Variants in NTM observed in about 807,000 individuals in gnomAD.
NTM encodes the protein IgLON family member 2.
A neutral mutation model predicts 42.1 loss-of-function variants in NTM; 13 were observed. The observed-to-expected ratio is 0.31, with a 90% confidence interval of 0.20 to 0.49. The LOEUF (loss-of-function observed/expected upper bound fraction) is 0.49, where lower values mean the gene tolerates loss of function less well. NTM is among the 20% of genes least tolerant of loss of function. The probability of loss-of-function intolerance (pLI) is 0.99; values close to 1 mark genes in which losing one functional copy is unlikely to be tolerated. For missense variants in NTM, 373 were observed against 452.8 expected (o/e 0.82, Z 1.60); for synonymous variants, 187 against 179.2 (o/e 1.04, Z -0.35).
chr11:132,195,250 A>C lies in NTM; in HGVS notation c.401-16772A>C, dbSNP rs373246915. ...AATACGTCTAACCAAGAAGGTAAAA[A>C]ATCTATACAATGAGAATTACAAAAC... On this transcript the variant is annotated intron_variant, in intron 3 of 8. Coordinates refer to ENST00000683400, the MANE Select transcript of NTM (RefSeq NM_001352005.2). Among the ~76,000 whole-genome samples, 26 of 152,242 alleles carry C rather than the reference A, an allele frequency of 1.7e-4. No homozygotes were observed. In the East Asian group the frequency reaches 2.9e-3, roughly 17 times the overall value.
chr11:131,912,974 TGTCTA>T (rs947197989), intron 2 of NTM, among the ~76,000 whole-genome samples: 2 of 152,204 alleles, frequency 1.3e-5, no homozygotes, highest in African/African-American at 2.4e-5. Flanking sequence ...AGTGATCCTT[TGTCTA>T]GGCAAAGCTT....
At chr11:131,640,743 C>G (rs2065030986) in intron 1 of NTM, among the ~76,000 whole-genome samples, 1 of 152,178 alleles carries the variant, frequency 6.6e-6, no homozygotes, top group South Asian at 2.1e-4. Context: ...CCCACCCACT[C>G]TAAAACTACT....
At chr11:132,008,570 G>T (rs2071348459) in intron 2 of NTM, among the ~76,000 whole-genome samples, 6 of 151,922 alleles carry the variant, frequency 3.9e-5, no homozygotes, top group Admixed American at 3.3e-4. Context: ...TGTGGGGAAT[G>T]AACACCAGAT....
intron 1 of NTM, chr11:131,910,103 T>C (rs974904273): frequency 2.6e-5 from 4 of 152,226 alleles, no homozygotes; most frequent in Admixed American, 1.3e-4. Context: ...TCTAGAATGG[T>C]AGTGTTGAGT....
intron 2 of NTM, among the ~76,000 whole-genome samples, chr11:132,034,605 C>A (rs540677705): frequency 6.6e-6 from 1 of 152,288 alleles, no homozygotes; most frequent in East Asian, 1.9e-4. Flanking sequence ...GTAACTCTGT[C>A]GTGTTTCTCC....
chr11:132,277,076 G>A (rs1050380817), intron 4 of NTM, among the ~76,000 whole-genome samples: 1 of 152,054 alleles, frequency 6.6e-6, no homozygotes, highest in Non-Finnish European at 1.5e-5. Context: ...GTTTCTACAT[G>A]GGCAATCATG....
chr11:131,798,748 A>G (rs954649213), intron 1 of NTM, among the ~76,000 whole-genome samples: 3 of 152,172 alleles, frequency 2.0e-5, no homozygotes, highest in Non-Finnish European at 2.9e-5. Context: ...TGATTCAGAG[A>G]TATCGTTCTG....
chr11:131,844,169 G>T (rs1394422432), intron 1 of NTM, among the ~76,000 whole-genome samples: 1 of 152,152 alleles, frequency 6.6e-6, no homozygotes, highest in Admixed American at 6.6e-5. Flanking sequence ...GTTGCTGTTG[G>T]TATTTAGCTT....
intron 2 of NTM, among the ~76,000 whole-genome samples, chr11:131,973,573 ACCT>A (rs2063869094): frequency 6.6e-6 from 1 of 152,198 alleles, no homozygotes; most frequent in African/African-American, 2.4e-5. Flanking sequence ...TAATCCCAGC[ACCT>A]TGGGCCACAG....
chr11:131,560,453 C>T (rs1308973730), intron 1 of NTM, among the ~76,000 whole-genome samples: 3 of 152,094 alleles, frequency 2.0e-5, no homozygotes, highest in Non-Finnish European at 2.9e-5. Flanking sequence ...AAAATCAATA[C>T]CATGAGGTTG....
intron 2 of NTM, among the ~76,000 whole-genome samples, chr11:132,068,872 G>A (rs752867647): frequency 1.7e-3 from 262 of 152,310 alleles, no homozygotes; most frequent in Non-Finnish European, 1.3e-3. Context: ...TGCCTGTAGG[G>A]CCTTTCAGCT....
chr11:131,665,694 C>A (rs1420827478), intron 1 of NTM, among the ~76,000 whole-genome samples: 1 of 152,130 alleles, frequency 6.6e-6, no homozygotes, highest in African/African-American at 2.4e-5. Context: ...TTTATTATGG[C>A]AGCTCTAGCA....
chr11:131,425,145 G>T (rs1430447117), intron 1 of NTM, among the ~76,000 whole-genome samples: 1 of 152,152 alleles, frequency 6.6e-6, no homozygotes, highest in Non-Finnish European at 1.5e-5. Context: ...GCCTCCCAAA[G>T]TGCTGAGATT....
chr11:132,065,255 C>T (rs967263858), intron 2 of NTM, among the ~76,000 whole-genome samples: 1 of 151,566 alleles, frequency 6.6e-6, no homozygotes, highest in African/African-American at 2.4e-5. Context: ...AACATCCGTG[C>T]ATAATTAGGC....
chr11:131,596,387 C>T (rs1213228167), intron 1 of NTM, among the ~76,000 whole-genome samples: 1 of 152,224 alleles, frequency 6.6e-6, no homozygotes, highest in Non-Finnish European at 1.5e-5. Flanking sequence ...CAGACTCTGG[C>T]ATCACGGCAT....
In NTM at chr11:132,139,424, T is replaced by C. The variant is rs552814104; in HGVS notation, c.168-6858T>C. On this transcript the variant is annotated intron_variant, in intron 2 of 8. Coordinates refer to ENST00000683400, the MANE Select transcript of NTM (RefSeq NM_001352005.2). ...CAGCATTTAAATTAGTGTTGGGCTT[T>C]TGTTGTAGGTACAAATCAAAGTGTT... Among the ~76,000 whole-genome samples the C allele has an allele frequency of 3.9e-5, 6 of 152,352 alleles. No individual in the cohort carries two copies. The East Asian group carries it at 1.2e-3, about 29-fold the overall frequency.
At position 131,789,541 on chromosome 11, in the gene NTM, A is replaced by G. The variant is rs1302943385; in HGVS notation, c.83-122023A>G. Among the ~76,000 whole-genome samples, 13 of 27,450 alleles carry G rather than the reference A, an allele frequency of 4.7e-4. 3 individuals carry two copies. The highest frequency in any genetic ancestry group is 6.3e-4 in the Non-Finnish European group (10 of 15,802). The allele number at this position is 27,450 out of a possible 152,430, so 18.0% of individuals were successfully genotyped here. A position where few individuals can be genotyped will look rare whatever the true frequency, so the allele number is the denominator to read the frequency against. Reference sequence around the variant, plus strand: ...AAGAAGAAGAAGAAGAAGAAGAAGAAGAAGAAAAGAAGAAGAAGAAGAAGA... The same window carrying G: ...AAGAAGAAGAAGAAGAAGAAGAAGAGGAAGAAAAGAAGAAGAAGAAGAAGA... On this transcript the variant is annotated intron_variant, in intron 1 of 8. Coordinates refer to ENST00000683400, the MANE Select transcript of NTM (RefSeq NM_001352005.2).
intron 2 of NTM, among the ~76,000 whole-genome samples, chr11:132,007,635 T>G (rs1379444163): frequency 6.6e-6 from 1 of 152,232 alleles, no homozygotes; most frequent in African/African-American, 2.4e-5. Flanking sequence ...AAGCTTACTA[T>G]TTAAAGAAAT....
At chr11:132,195,763 T>G (rs1409584595) in intron 3 of NTM, among the ~76,000 whole-genome samples, 1 of 152,204 alleles carries the variant, frequency 6.6e-6, no homozygotes, top group Non-Finnish European at 1.5e-5. Flanking sequence ...ATGCAGAAGA[T>G]TGAAACTGGC....
Sources: allele counts gnomAD v4.1 joint callset (sites outside exome capture counted in the v4.1 genomes callset), GRCh38; gene constraint gnomAD v4.1.1; transcripts MANE v1.5; gene names NCBI Gene and HGNC (gene_info 2026-07-23, HGNC 2026-07-21).